Variants in TJP1 observed in about 807,000 individuals in gnomAD.
TJP1 encodes tight junction protein ZO-1.
TJP1 carries 43 observed loss-of-function variants against 194.2 expected under a neutral mutation model. The observed-to-expected ratio is 0.22, with a 90% CI of 0.17 to 0.29. The LOEUF is 0.29. Ranked by LOEUF, TJP1 falls within the 10% of genes least tolerant of loss-of-function variation. The pLI is 1.00. For missense variants in TJP1, 1,971 were observed against 2,185.7 expected, an observed-to-expected ratio of 0.90 and a Z score of 1.96; for synonymous variants, 801 against 779.0, an observed-to-expected ratio of 1.03 and a Z score of -0.47.
At chr15:29,803,410 T>TA (rs1182857196) in intron 1 of TJP1, among the ~76,000 whole-genome samples, 1 of 152,152 alleles carries the variant, frequency 6.6e-6, no homozygotes, top group East Asian at 1.9e-4. Context: ...TTGTGTTAGA[T>TA]AATTTTGCCC....
chr15:29,889,418 A>G (rs1466396434), intron 2 of TJP1, among the ~76,000 whole-genome samples: 1 of 152,244 alleles, frequency 6.6e-6, no homozygotes, highest in Non-Finnish European at 1.5e-5. Flanking sequence ...GGGAAATCTA[A>G]TTAGCTAAAA....
At chr15:29,734,502 G>C in intron 11 of TJP1, 120 bp from the exon 12 acceptor site, 1 of 499,372 alleles carries the variant, frequency 2.0e-6, no homozygotes, top group Non-Finnish European at 3.2e-6. Flanking sequence ...TTTTTTTTTT[G>C]AGACAGAGTC....
intron 2 of TJP1, among the ~76,000 whole-genome samples, chr15:29,886,589 G>T (rs1217275148): frequency 6.6e-6 from 1 of 150,656 alleles, no homozygotes; most frequent in Non-Finnish European, 1.5e-5. Context: ...GAGCCATAGA[G>T]AGAGGCCATG....
At position 29,903,523 on chromosome 15, in the gene TJP1, C is replaced by T. The variant is rs1415327340; in HGVS notation, c.306+52709G>A. 2.6e-5 allele frequency among the ~76,000 whole-genome samples: 4 copies of T among 152,026 alleles called. No homozygotes were observed. The East Asian group carries it at 7.7e-4, about 29-fold the overall frequency. ...GCAGTGGAGTGATCTCGGCTCACTG[C>T]AACCTCTGCCTCCCGGGTTCACGCC... is the stretch of plus-strand genomic sequence containing the variant. On this transcript the variant is annotated intron_variant, in intron 2 of 28. Transcript: ENST00000356107.
At chr15:29,758,222 C>T (rs74820052) in intron 8 of TJP1, among the ~76,000 whole-genome samples, 2 of 151,862 alleles carry the variant, frequency 1.3e-5, no homozygotes, top group African/African-American at 2.4e-5. Context: ...GACTGTGTGT[C>T]GGGGGTGAGA....
At chr15:29,851,903 G>T (rs543319209) in intron 2 of TJP1, among the ~76,000 whole-genome samples, 1 of 152,186 alleles carries the variant, frequency 6.6e-6, no homozygotes, top group African/African-American at 2.4e-5. Context: ...TGGATAAATG[G>T]TGCTACAGCA....
intron 2 of TJP1, among the ~76,000 whole-genome samples, chr15:29,951,321 C>T (rs886773265): frequency 6.6e-6 from 1 of 151,964 alleles, no homozygotes; most frequent in Admixed American, 6.6e-5. Flanking sequence ...GTGCCCGCTA[C>T]CATGCCCAGC....
chr15:29,785,415 G>A (rs1171451938), intron 2 of TJP1, among the ~76,000 whole-genome samples: 2 of 152,102 alleles, frequency 1.3e-5, no homozygotes, highest in East Asian at 1.9e-4. Context: ...ACCTTGTGGT[G>A]CACAAAGTCA....
intron 1 of TJP1, among the ~76,000 whole-genome samples, chr15:29,812,247 G>A (rs976087203): frequency 6.6e-6 from 1 of 152,168 alleles, no homozygotes; most frequent in African/African-American, 2.4e-5. Context: ...CCTGCTGACA[G>A]GTGAATGGTG....
chr15:29,955,019 G>C (rs1028008058), intron 2 of TJP1, among the ~76,000 whole-genome samples: 2 of 151,976 alleles, frequency 1.3e-5, no homozygotes, highest in African/African-American at 4.8e-5. Flanking sequence ...AGCAGAGGTT[G>C]CAGTGAGCCG....
At chr15:29,705,406 G>A (rs796766820) in intron 26 of TJP1, 122 bp downstream of exon 26, 13 of 1,043,516 alleles carry the variant, frequency 1.2e-5, no homozygotes, top group Admixed American at 7.2e-5. Flanking sequence ...GGCACCCCTC[G>A]CTACAGCACT....
intron 8 of TJP1, among the ~76,000 whole-genome samples, chr15:29,748,949 T>C (rs538685685): frequency 1.8e-3 from 55 of 31,316 alleles, no homozygotes; most frequent in East Asian, 0.011. Context: ...TGTGTGTGTG[T>C]GTGTGCGCGT....
chr15:29,898,541 T>C (rs1307783921), intron 2 of TJP1, among the ~76,000 whole-genome samples: 1 of 152,246 alleles, frequency 6.6e-6, no homozygotes, highest in African/African-American at 2.4e-5. Flanking sequence ...TTAGTGATCA[T>C]ATTTCAGAAT....
chr15:29,949,257 C>CCAT (rs1209250070), intron 2 of TJP1, among the ~76,000 whole-genome samples: 40 of 105,362 alleles, frequency 3.8e-4, no homozygotes, highest in Admixed American at 1.4e-3. Context: ...ACCACCACCT[C>CCAT]CACCACCACC....
chr15:29,722,797 G>A (rs1457325587), intron 18 of TJP1, among the ~76,000 whole-genome samples: 1 of 152,226 alleles, frequency 6.6e-6, no homozygotes, highest in Non-Finnish European at 1.5e-5. Flanking sequence ...CGTGGCTACA[G>A]GGGCAGAGCT....
chr15:29,753,890 A>G (rs1268049580), intron 8 of TJP1, among the ~76,000 whole-genome samples: 2 of 152,168 alleles, frequency 1.3e-5, no homozygotes, highest in Non-Finnish European at 2.9e-5. Context: ...TAGTACTACC[A>G]ACACCATGTT....
chr15:29,816,433 G>A (rs906602893), intron 1 of TJP1, among the ~76,000 whole-genome samples: 1 of 152,146 alleles, frequency 6.6e-6, no homozygotes, highest in Non-Finnish European at 1.5e-5. Context: ...TGAAACAAAT[G>A]TAAGAGTTGT....
intron 2 of TJP1, among the ~76,000 whole-genome samples, chr15:29,798,703 T>C (rs747950415): frequency 6.6e-6 from 1 of 152,198 alleles, no homozygotes; most frequent in Non-Finnish European, 1.5e-5. Context: ...AAAGTTATGT[T>C]CATACAAAAA....
chr15:29,788,351 A>G (rs2047839900), intron 2 of TJP1, among the ~76,000 whole-genome samples: 1 of 152,154 alleles, frequency 6.6e-6, no homozygotes, highest in Non-Finnish European at 1.5e-5. Flanking sequence ...TGTTGCTTAT[A>G]CTTTTGACAT....
Sources: gnomAD v4.1 joint callset for allele counts (sites outside exome capture counted in the v4.1 genomes callset) on GRCh38, gnomAD v4.1.1 for gene constraint, MANE v1.5 for transcripts, NCBI Gene and HGNC (gene_info 2026-07-23, HGNC 2026-07-21) for gene names.